Variants in XPR1 observed in about 807,000 individuals in gnomAD.
XPR1 encodes the protein xenotropic and polytropic retrovirus receptor 1.
A neutral mutation model predicts 87.5 loss-of-function variants in XPR1; 28 were observed. The observed-to-expected ratio is 0.32, with a 90% CI of 0.24 to 0.44. The LOEUF (loss-of-function observed/expected upper bound fraction) is 0.44. XPR1 is among the 20% of genes least tolerant of loss of function. The pLI is 1.00. For synonymous variants in XPR1, 300 were observed against 306.1 expected, an observed-to-expected ratio of 0.98 and a Z score of 0.21; for missense variants, 559 against 862.3, an observed-to-expected ratio of 0.65 and a Z score of 4.41.
intron 1 of XPR1, among the ~76,000 whole-genome samples, chr1:180,633,497 C>T (rs1340547103): frequency 6.6e-6 from 1 of 152,164 alleles, no homozygotes; most frequent in Non-Finnish European, 1.5e-5. Context: ...TGTATTTATT[C>T]ATATAGCCAT....
chr1:180,787,704 C>A, intron 2 of XPR1, 49 bp from the exon 3 acceptor site: 2 of 1,303,814 alleles, frequency 1.5e-6, no homozygotes, highest in South Asian at 1.3e-5. Flanking sequence ...TTAGTTTTCT[C>A]AATTGGCCTT....
At chr1:180,865,076 G>C (rs979573242) in intron 12 of XPR1, among the ~76,000 whole-genome samples, 1 of 152,126 alleles carries the variant, frequency 6.6e-6, no homozygotes, top group African/African-American at 2.4e-5. Flanking sequence ...TTGGTAAGTA[G>C]GGAAGGCCAT....
chr1:180,797,306 G>GT (rs1291555576), intron 3 of XPR1, among the ~76,000 whole-genome samples: 1 of 152,208 alleles, frequency 6.6e-6, no homozygotes, highest in African/African-American at 2.4e-5. Flanking sequence ...TTGGCTGCAT[G>GT]TATGTGGTCC....
rs1652887051 is a variant in XPR1 at position 180,882,869 on chromosome 1, G to A, written c.2031-1137G>A. ...CTCTCCTTAGGTCTTCTCTTCTGCT[G>A]GCTAACTCTTTTGGTTTCTCATGTA... On this transcript the variant is annotated intron_variant, in intron 14 of 14. Transcript: ENST00000367590. Among the ~76,000 whole-genome samples, 4 of 152,050 alleles carry A rather than the reference G, an allele frequency of 2.6e-5. 1 individual carries two copies. The highest frequency in any genetic ancestry group is 2.6e-4 in the Admixed American group (4 of 15,266).
chr1:180,736,646 C>CATTTAATACTGTGTTATTTAATA (rs1658739447), intron 2 of XPR1, among the ~76,000 whole-genome samples: 1 of 152,120 alleles, frequency 6.6e-6, no homozygotes, highest in African/African-American at 2.4e-5. Flanking sequence ...TACAGTATTT[C>CATTTAATACTGTGTTATTTAATA]ATTTAATAAT....
intron 9 of XPR1, among the ~76,000 whole-genome samples, chr1:180,827,035 T>G (rs758537591): frequency 1.1e-4 from 17 of 150,730 alleles, no homozygotes; most frequent in African/African-American, 1.7e-4. Context: ...GTGCCTGTAA[T>G]CCCAGCTACT....
chr1:180,843,696 T>TAAA (rs1319110960), intron 11 of XPR1, among the ~76,000 whole-genome samples: 42 of 147,538 alleles, frequency 2.8e-4, no homozygotes, highest in African/African-American at 1.0e-3. Flanking sequence ...AGAAAAGTCT[T>TAAA]TAAAAAAAAA....
chr1:180,650,124 T>A (rs151137757), intron 1 of XPR1, among the ~76,000 whole-genome samples: 1 of 152,278 alleles, frequency 6.6e-6, no homozygotes, highest in African/African-American at 2.4e-5. Context: ...TAGAGTTTTA[T>A]ACTTAAAAAA....
intron 2 of XPR1, among the ~76,000 whole-genome samples, chr1:180,767,469 C>A (rs1648329627): frequency 6.6e-6 from 1 of 152,028 alleles, no homozygotes; most frequent in South Asian, 2.1e-4. Context: ...AACTGGTGAT[C>A]CTTAGTGCAT....
At position 180,825,355 on chromosome 1, in the gene XPR1, A is replaced by C; in HGVS notation, c.1134+11A>C. On this transcript the variant is annotated intron_variant, in intron 9 of 14. Transcript: ENST00000367590. Reference sequence around the variant, plus strand: ...CTGCTTAAACTGCTGGTAAGTCCAGAAACTTGTGTACCACTTTTAGAGTGG... The same window carrying C: ...CTGCTTAAACTGCTGGTAAGTCCAGCAACTTGTGTACCACTTTTAGAGTGG... 1 of 1,606,552 alleles carries C rather than the reference A, an allele frequency of 6.2e-7. No individual in the cohort carries two copies. Among genetic ancestry groups the C allele is most frequent in the Non-Finnish European group, 8.5e-7 (1 of 1,177,134 alleles).
At chr1:180,685,076 G>T (rs1656717092) in intron 2 of XPR1, among the ~76,000 whole-genome samples, 1 of 151,916 alleles carries the variant, frequency 6.6e-6, no homozygotes, top group Non-Finnish European at 1.5e-5. Flanking sequence ...TTTTCAAAGG[G>T]AATGCTTCCA....
At chr1:180,668,088 T>A (rs189065170) in intron 1 of XPR1, among the ~76,000 whole-genome samples, 15 of 151,734 alleles carry the variant, frequency 9.9e-5, no homozygotes, top group East Asian at 7.7e-4. Flanking sequence ...CTATTTTTTT[T>A]ATTTATCTTT....
chr1:180,779,067 C>G (rs1053541794), intron 2 of XPR1, among the ~76,000 whole-genome samples: 1 of 152,138 alleles, frequency 6.6e-6, no homozygotes, highest in African/African-American at 2.4e-5. Context: ...ACATGCTGTT[C>G]CCTCTGTTGG....
At chr1:180,777,258 G>T (rs1489402926) in intron 2 of XPR1, among the ~76,000 whole-genome samples, 3 of 152,004 alleles carry the variant, frequency 2.0e-5, no homozygotes, top group African/African-American at 7.3e-5. Flanking sequence ...CTCTCCCGTG[G>T]TATCTACTGT....
chr1:180,677,071 A>G (rs186928893), intron 1 of XPR1, among the ~76,000 whole-genome samples: 2 of 152,286 alleles, frequency 1.3e-5, no homozygotes, highest in Non-Finnish European at 2.9e-5. Flanking sequence ...CCAACAATTG[A>G]GTTCAATTCT....
chr1:180,877,024 CATAAT>C (rs1652686427), intron 13 of XPR1, among the ~76,000 whole-genome samples: 1 of 152,166 alleles, frequency 6.6e-6, no homozygotes, highest in African/African-American at 2.4e-5. Context: ...ACATGGTCAA[CATAAT>C]ATAAATCAGT....
At chr1:180,676,546 A>G (rs1033206628) in intron 1 of XPR1, among the ~76,000 whole-genome samples, 1 of 152,112 alleles carries the variant, frequency 6.6e-6, no homozygotes, top group Non-Finnish European at 1.5e-5. Context: ...GAAATATCCT[A>G]TTGAAGAACC....
intron 2 of XPR1, among the ~76,000 whole-genome samples, chr1:180,726,503 C>G (rs191959312): frequency 8.6e-4 from 131 of 152,302 alleles, no homozygotes; most frequent in Admixed American, 8.6e-3. Flanking sequence ...GCGGAAACTC[C>G]GGACACAGTT....
chr1:180,815,625 ATTAAT>A (rs1159253637), intron 7 of XPR1, among the ~76,000 whole-genome samples: 1 of 152,226 alleles, frequency 6.6e-6, no homozygotes, highest in African/African-American at 2.4e-5. Flanking sequence ...GTTTCAGATA[ATTAAT>A]TTCATTAAGA....
Sources: allele counts gnomAD v4.1 joint callset (sites outside exome capture counted in the v4.1 genomes callset), GRCh38; gene constraint gnomAD v4.1.1; transcripts MANE v1.5; gene names NCBI Gene and HGNC (gene_info 2026-07-23, HGNC 2026-07-21).